Variants in EXOC3 observed in about 807,000 individuals in gnomAD.
EXOC3 encodes the protein SEC6-like 1.
EXOC3 carries 21 observed loss-of-function variants against 73.7 expected under a neutral mutation model. The observed-to-expected ratio is 0.29, with a 90% confidence interval of 0.20 to 0.41. The LOEUF (loss-of-function observed/expected upper bound fraction) is 0.41, where lower values mean the gene tolerates loss of function less well. Ranked by LOEUF, EXOC3 falls within the 10% of genes least tolerant of loss-of-function variation. The pLI is 1.00. For synonymous variants in EXOC3, 410 were observed against 389.1 expected, an observed-to-expected ratio of 1.05 and a Z score of -0.63; for missense variants, 842 against 985.1, an observed-to-expected ratio of 0.85 and a Z score of 1.95.
intron 1 of EXOC3, among the ~76,000 whole-genome samples, chr5:445,381 G>C (rs1310148091): frequency 7.3e-6 from 1 of 136,924 alleles, no homozygotes; most frequent in Non-Finnish European, 1.5e-5. Context: ...ACGGAGTCTC[G>C]CTCTGTCGCC....
At chr5:453,012 A>G (rs887421065) in intron 3 of EXOC3, among the ~76,000 whole-genome samples, 10 of 152,180 alleles carry the variant, frequency 6.6e-5, no homozygotes, top group African/African-American at 2.4e-4. Context: ...ATCTGAGTAC[A>G]GATCTCCGGT....
In EXOC3 at chr5:459,469, TCTGCCAGTGTGC is replaced by T. The variant is rs1336916953; in HGVS notation, c.1391+11_1391+22del. 7.1e-7 allele frequency: 1 copy of T among 1,410,836 alleles called. No homozygotes were observed. The highest frequency in any genetic ancestry group is 1.5e-5 in the African/African-American group (1 of 68,392). The allele number at this position is 1,410,836 out of a possible 1,614,324, so 87.4% of individuals were successfully genotyped here. ...ATTCTTTCCTAAGCAGGTATGTCTTTCTGCCAGTGTGCTAATGTACACATTGAATGTTTTTAA... is the reference window on the plus strand; with the variant it reads ...ATTCTTTCCTAAGCAGGTATGTCTTTTAATGTACACATTGAATGTTTTTAA... On this transcript the variant is annotated intron_variant, in intron 7 of 12. Transcript: ENST00000512944.
chr5:449,686 C>T (rs954054946), intron 3 of EXOC3, among the ~76,000 whole-genome samples: 16 of 152,188 alleles, frequency 1.1e-4, no homozygotes, highest in African/African-American at 1.7e-4. Context: ...TTTGCTTATC[C>T]GTTTGTCTGT....
rs1737721027 is a variant in EXOC3, at chr5:453,703, C to G, written c.698C>G (p.Thr233Ser). 1 of 1,613,940 alleles carries G rather than the reference C, an allele frequency of 6.2e-7. No homozygotes were observed. Among genetic ancestry groups the G allele is most frequent in the Non-Finnish European group, 8.5e-7 (1 of 1,179,894 alleles). The change falls in exon 4 of 13, where the codon ACT becomes AGT. Residue 233 changes from threonine to serine, a missense_variant. By Grantham distance (58) the Thr-to-Ser change is moderately conservative. Coordinates refer to ENST00000512944, the MANE Select transcript of EXOC3 (RefSeq NM_007277.5). ...DRRILDRKKQ[T>S]GFVPPGRPKN... ...CGCATACTTGACCGGAAAAAGCAAA[C>G]TGGCTTTGTTCCTCCTGGGAGGCCC... is the stretch of plus-strand genomic sequence containing the variant.
chr5:451,649 C>A (rs193173431), intron 3 of EXOC3, among the ~76,000 whole-genome samples: 3 of 152,126 alleles, frequency 2.0e-5, no homozygotes, highest in Non-Finnish European at 4.4e-5. Flanking sequence ...TTTTTTGAGG[C>A]CTTTGCTTCT....
chr5:457,189 C>T (rs1341244771), intron 5 of EXOC3, 183 bp downstream of exon 5: 5 of 595,980 alleles, frequency 8.4e-6, no homozygotes, highest in Admixed American at 2.7e-5. Context: ...AGGAGAATGG[C>T]CCCTTCTCTG....
chr5:452,800 A>T (rs982003692), intron 3 of EXOC3, among the ~76,000 whole-genome samples: 2 of 152,248 alleles, frequency 1.3e-5, no homozygotes, highest in Admixed American at 6.5e-5. Context: ...AATTTTTCCT[A>T]TAAATGCAGT....
In EXOC3 at chr5:467,135, T is replaced by C; in HGVS notation, c.*237T>C. 3.8e-6 allele frequency: 2 copies of C among 532,172 alleles called. No individual in the cohort carries two copies. Among genetic ancestry groups the C allele is most frequent in the Non-Finnish European group, 6.7e-6 (2 of 297,290 alleles). 33.0% of individuals were successfully genotyped at this position (532,172 alleles called of 1,614,324 possible). ...GCAGGGCTCTGCCGCACAGCCTCTC[T>C]TGGGTGCTTGTTTGTTGCAGTGGTT... On this transcript the variant is annotated 3_prime_UTR_variant, in exon 13 of 13. Transcript: ENST00000512944.
chr5:450,569 C>T (rs1383333283), intron 3 of EXOC3, among the ~76,000 whole-genome samples: 4 of 152,158 alleles, frequency 2.6e-5, no homozygotes, highest in Admixed American at 1.3e-4. Flanking sequence ...TTGTTCAAGT[C>T]CTCTCTTTCC....
At chr5:449,632 A>G (rs1332147709) in intron 3 of EXOC3, among the ~76,000 whole-genome samples, 3 of 152,100 alleles carry the variant, frequency 2.0e-5, no homozygotes, top group Non-Finnish European at 4.4e-5. Context: ...AATTTCCTTC[A>G]CTTTTAAGGC....
rs572321087 is a variant in EXOC3 at position 465,105 on chromosome 5, C to A, written c.1777-6C>A. 6 of 1,566,312 alleles carry A rather than the reference C, an allele frequency of 3.8e-6. No homozygotes were observed. Among genetic ancestry groups the A allele is most frequent in the Non-Finnish European group, 5.2e-6 (6 of 1,158,216 alleles). On this transcript the variant is annotated splice_polypyrimidine_tract_variant and splice_region_variant and intron_variant, in intron 10 of 12. Coordinates refer to ENST00000512944, the MANE Select transcript of EXOC3 (RefSeq NM_007277.5). ...AGCCTGCCGCTGACCGCGCGTGTCT[C>A]CCCAGAGGATGACGGCCGAGGCGCA... is the stretch of plus-strand genomic sequence containing the variant.
chr5:446,286 C>A lies in EXOC3; in HGVS notation c.81C>A (p.Asp27Glu), dbSNP rs1579731374. Residue 27 changes from aspartate to glutamate, a missense_variant, in exon 2 of 13, where the codon GAC becomes GAA. Physicochemically the swap from Asp to Glu is conservative, Grantham distance 45 (BLOSUM62 2). Transcript: ENST00000512944. ...AGMLQRPDQL[D>E]KVEQYRRREA... ...TGCTCCAGCGCCCGGACCAGCTGGACAAGGTGGAGCAGTATCGCAGGAGAG... is the reference window on the plus strand; with the variant it reads ...TGCTCCAGCGCCCGGACCAGCTGGAAAAGGTGGAGCAGTATCGCAGGAGAG... 1 of 1,613,940 alleles carries A rather than the reference C, an allele frequency of 6.2e-7. No homozygotes were observed. Among genetic ancestry groups the A allele is most frequent in the South Asian group, 1.1e-5 (1 of 91,078 alleles).
At chr5:461,485 C>T (rs1202339852) in intron 7 of EXOC3, 1 of 154,244 alleles carries the variant, frequency 6.5e-6, no homozygotes, top group Non-Finnish European at 1.4e-5. Flanking sequence ...TGGTGGGGCA[C>T]ACCTGTAGTC....
chr5:465,578 C>A, intron 11 of EXOC3, 140 bp from the exon 12 acceptor site: 2 of 1,112,188 alleles, frequency 1.8e-6, no homozygotes, highest in Non-Finnish European at 2.6e-6. Context: ...CTGGCCCTGT[C>A]ACTGAGCTTT....
chr5:448,231 G>A (rs1055567162), intron 3 of EXOC3, among the ~76,000 whole-genome samples: 33 of 152,350 alleles, frequency 2.2e-4, no homozygotes, highest in Non-Finnish European at 3.5e-4. Context: ...GCAGAGGCGG[G>A]GCTGAGCGCC....
intron 4 of EXOC3, 79 bp downstream of exon 4, chr5:454,130 G>GC: frequency 8.1e-7 from 1 of 1,235,114 alleles, no homozygotes; most frequent in Non-Finnish European, 1.1e-6. Context: ...TTGCTGGAGA[G>GC]CCGACCTCAG....
At chr5:443,800 G>A (rs1190484791) in intron 1 of EXOC3, among the ~76,000 whole-genome samples, 1 of 140,404 alleles carries the variant, frequency 7.1e-6, no homozygotes, top group Non-Finnish European at 1.5e-5. Context: ...GTGTCCTCTT[G>A]ACGGTGTCCC....
intron 1 of EXOC3, among the ~76,000 whole-genome samples, chr5:445,381 G>T (rs1310148091): frequency 7.3e-6 from 1 of 136,920 alleles, no homozygotes; most frequent in African/African-American, 2.8e-5. Flanking sequence ...ACGGAGTCTC[G>T]CTCTGTCGCC....
intron 7 of EXOC3, among the ~76,000 whole-genome samples, chr5:460,130 A>C (rs1245917888): frequency 1.3e-5 from 2 of 152,036 alleles, no homozygotes; most frequent in Non-Finnish European, 2.9e-5. Context: ...ATGCACGGTG[A>C]CTCCGTGGGG....
Sources: gnomAD v4.1 joint callset for allele counts (sites outside exome capture counted in the v4.1 genomes callset) on GRCh38, gnomAD v4.1.1 for gene constraint, MANE v1.5 for transcripts, NCBI Gene and HGNC (gene_info 2026-07-23, HGNC 2026-07-21) for gene names.